Variants in ATG16L2 observed in about 807,000 individuals in gnomAD.
ATG16L2 encodes the protein protein Atg16l2.
A neutral mutation model predicts 84.7 loss-of-function variants in ATG16L2; 77 were observed. That is an observed-to-expected ratio of 0.91 (90% CI 0.76 to 1.10). The LOEUF (loss-of-function observed/expected upper bound fraction) is 1.10, where lower values mean the gene tolerates loss of function less well. Among genes scored for constraint, ATG16L2 ranks in the 50% least tolerant of loss-of-function variants. The probability of loss-of-function intolerance (pLI) is 0.00; values close to 1 mark genes in which losing one functional copy is unlikely to be tolerated. For synonymous variants in ATG16L2, 361 were observed against 342.8 expected (o/e 1.05, Z -0.59); for missense variants, 782 against 817.6 (o/e 0.96, Z 0.53).
downstream of ATG16L2, among the ~76,000 whole-genome samples, chr11:72,832,424 C>T (rs1360939711): frequency 1.3e-5 from 2 of 152,164 alleles, no homozygotes; most frequent in Non-Finnish European, 2.9e-5. Context: ...AGGCCAGAAA[C>T]AGGCCAAGGA....
intron 5 of ATG16L2, among the ~76,000 whole-genome samples, chr11:72,842,178 C>T (rs1860977125): frequency 6.6e-6 from 1 of 152,198 alleles, no homozygotes; most frequent in Admixed American, 6.5e-5. Flanking sequence ...GGATTAGGGG[C>T]TCTGGCAGGC....
In ATG16L2 at chr11:72,843,280, G is replaced by T. The variant is rs766473899; in HGVS notation, c.*685G>T. 4 of 1,613,892 alleles carry T rather than the reference G, an allele frequency of 2.5e-6. No individual in the cohort carries two copies. In the African/African-American group the frequency reaches 5.3e-5, roughly 22 times the overall value. Reference sequence around the variant, plus strand: ...AGGAGGCTGTTCGAGGTGGGAAACTGTAGGTACTTTTCTGGCACATAACCC... The same window carrying T: ...AGGAGGCTGTTCGAGGTGGGAAACTTTAGGTACTTTTCTGGCACATAACCC... On this transcript the variant is annotated 3_prime_UTR_variant, in exon 6 of 6. Coordinates refer to the ATG16L2 transcript ENST00000534905.
intron 9 of ATG16L2, among the ~76,000 whole-genome samples, 184 bp from the exon 10 acceptor site, chr11:72,825,118 G>C (rs1860264203): frequency 6.6e-6 from 1 of 152,178 alleles, no homozygotes; most frequent in Admixed American, 6.5e-5. Context: ...CAGGGGTCCA[G>C]GCAGAGGTGA....
Position 72,829,296 on chromosome 11 carries a change from TC to T in ATG16L2, c.1773-3del. The T allele has an allele frequency of 6.2e-7, 1 of 1,612,180 alleles. No homozygotes were observed. ...CCCCCCTGAAGCCTGCCCCTCCCTT[TC>T]CCCAGCGCTGCCGTCAACGCCGTGG... On this transcript the variant is annotated splice_polypyrimidine_tract_variant and splice_region_variant and intron_variant, in intron 17 of 17. Transcript: ENST00000321297.
At position 72,824,065 on chromosome 11, in the gene ATG16L2, C is replaced by G. The variant is rs1263944851; in HGVS notation, c.830C>G (p.Ala277Gly). 1 of 1,614,240 alleles carries G rather than the reference C, an allele frequency of 6.2e-7. No individual in the cohort carries two copies. Among genetic ancestry groups the G allele is most frequent in the East Asian group, 2.2e-5 (1 of 44,890 alleles). ...CEKWKRPFRSASATSLTLSHC... is the reference protein window; with the variant it reads ...CEKWKRPFRSGSATSLTLSHC... ...CTCTCTTGGTTTTGTCTCAGGTCTG[C>G]CTCAGCCACCTCCCTGACGCTGTCC... The change falls in exon 8 of 18, where the codon GCC becomes GGC. Residue 277 changes from alanine (A) to glycine (G), a missense_variant. Coordinates refer to ENST00000321297, the MANE Select transcript of ATG16L2 (RefSeq NM_033388.2).
At chr11:72,828,573 T>C in intron 15 of ATG16L2, 65 bp downstream of exon 15, 2 of 1,606,638 alleles carry the variant, frequency 1.2e-6, no homozygotes, top group Non-Finnish European at 1.7e-6. Flanking sequence ...TCTTCTCCTG[T>C]AATAGACCCT....
chr11:72,827,063 C>T (rs779307457), intron 13 of ATG16L2, 125 bp from the exon 14 acceptor site: 96 of 865,174 alleles, frequency 1.1e-4, no homozygotes, highest in South Asian at 2.5e-4. Flanking sequence ...TGCTGGGAAG[C>T]GGAAGACCTG....
chr11:72,814,899 A>G (rs1234765734), intron 1 of ATG16L2, among the ~76,000 whole-genome samples: 1 of 152,104 alleles, frequency 6.6e-6, no homozygotes, highest in Non-Finnish European at 1.5e-5. Context: ...TCCCCGGGGT[A>G]GGGGCTTGAT....
chr11:72,826,135 G>T, intron 10 of ATG16L2, 38 bp from the exon 11 acceptor site: 1 of 1,544,378 alleles, frequency 6.5e-7, no homozygotes, highest in South Asian at 1.1e-5. Context: ...GTGAGGTTAA[G>T]ACCTCATTTC....
chr11:72,841,740 A>G (rs1860960168), intron 5 of ATG16L2, among the ~76,000 whole-genome samples: 1 of 152,100 alleles, frequency 6.6e-6, no homozygotes, highest in South Asian at 2.1e-4. Flanking sequence ...TTAAATAACC[A>G]CCTCAAGCTC....
At position 72,828,898 on chromosome 11, in the gene ATG16L2, T is replaced by C. The variant is rs1451326570; in HGVS notation, c.1686T>C (p.Tyr562=). 6.2e-7 allele frequency: 1 copy of C among 1,614,192 alleles called. No individual in the cohort carries two copies. Among genetic ancestry groups the C allele is most frequent in the East Asian group, 2.2e-5 (1 of 44,886 alleles). Residue 562 remains tyrosine, a synonymous_variant, in exon 17 of 18, where the codon TAT becomes TAC. Coordinates refer to ENST00000321297, the MANE Select transcript of ATG16L2 (RefSeq NM_033388.2). The part of the protein sequence containing the change: ...TKAVFSPDRS[Y]ALAGSCDGAL... ...GCCACTACAGCCCGGACAGAAGCTA[T>C]GCACTGGCAGGCTCCTGTGATGGGG...
Position 72,829,309 on chromosome 11 carries a change from C to G in ATG16L2, c.1779C>G (p.Ala593=). 1 of 1,613,100 alleles carries G rather than the reference C, an allele frequency of 6.2e-7. No homozygotes were observed. Among genetic ancestry groups the G allele is most frequent in the Non-Finnish European group, 8.5e-7 (1 of 1,179,706 alleles). ...TGCCCCTCCCTTTCCCCAGCGCTGC[C>G]GTCAACGCCGTGGCCTGGTGCTACT... ...ESRLQGPHCA[A]VNAVAWCYSG... Residue 593 remains alanine, a synonymous_variant, in exon 18 of 18, where the codon GCC becomes GCG. Coordinates refer to ENST00000321297, the MANE Select transcript of ATG16L2 (RefSeq NM_033388.2).
downstream of ATG16L2, among the ~76,000 whole-genome samples, chr11:72,833,989 C>T (rs1001379828): frequency 1.3e-5 from 2 of 150,830 alleles, no homozygotes; most frequent in African/African-American, 4.9e-5. Flanking sequence ...ACAGACACAG[C>T]AAAAGTGTGT....
Position 72,817,743 on chromosome 11 carries a change from G to A in ATG16L2, c.219-13G>A. ...ACCGGGGGACATTGAGCACCACTCT[G>A]ATTGGTTGGCAGGGAGGAGTCAGAG... On this transcript the variant is annotated splice_polypyrimidine_tract_variant and intron_variant, in intron 2 of 17. Coordinates refer to ENST00000321297, the MANE Select transcript of ATG16L2 (RefSeq NM_033388.2). 2 of 1,613,404 alleles carry A rather than the reference G, an allele frequency of 1.2e-6. No homozygotes were observed. Among genetic ancestry groups the A allele is most frequent in the African/African-American group, 1.3e-5 (1 of 75,062 alleles).
Position 72,822,851 on chromosome 11 carries a change from C to A in ATG16L2, c.714C>A (p.Gly238=), listed in dbSNP as rs762784721. 6.4e-6 allele frequency: 10 copies of A among 1,555,160 alleles called. No individual in the cohort carries two copies. Among genetic ancestry groups the A allele is most frequent in the Non-Finnish European group, 7.8e-6 (9 of 1,148,768 alleles). Reference sequence around the variant, plus strand: ...TGAACTTCATTACCTCTCCTAGGGGCCCGGACACCCTAGGCGATGGGATGA... The same window carrying A: ...TGAACTTCATTACCTCTCCTAGGGGACCGGACACCCTAGGCGATGGGATGA... ...AAKRTVSISE[G]PDTLGDGMRE... Residue 238 remains glycine, a synonymous_variant, in exon 7 of 18, where the codon GGC becomes GGA. Coordinates refer to ENST00000321297, the MANE Select transcript of ATG16L2 (RefSeq NM_033388.2). The surrounding 1 kb of genome is among the most constrained non-coding windows in gnomAD (Gnocchi z 4.2).
At chr11:72,819,776 C>T (rs547002971) in intron 3 of ATG16L2, among the ~76,000 whole-genome samples, 4 of 151,902 alleles carry the variant, frequency 2.6e-5, no homozygotes, top group African/African-American at 9.6e-5. Context: ...GACGGAGTCT[C>T]ACTCTGTTGC....
chr11:72,838,711 C>T (rs1860808716), intron 5 of ATG16L2: 6 of 1,180,000 alleles, frequency 5.1e-6, no homozygotes, highest in Non-Finnish European at 7.4e-6. Context: ...CATCATCATG[C>T]AAAGGTGCCT....
At chr11:72,823,782 C>T in intron 7 of ATG16L2, 1 of 563,618 alleles carries the variant, frequency 1.8e-6, no homozygotes, top group East Asian at 4.2e-5. Context: ...GCTCAGCTTC[C>T]CAGGAACTTT....
At position 72,843,466 on chromosome 11, in the gene ATG16L2, T is replaced by C. The variant is rs1861029178; in HGVS notation, c.*871T>C. On this transcript the variant is annotated 3_prime_UTR_variant, in exon 6 of 6. Coordinates refer to the ATG16L2 transcript ENST00000534905. The stretch of plus-strand genomic sequence containing the variant: ...GAATATACCTTTACCCAGTCTTCCA[T>C]ATCTCCATCTTCAATCACTTCTAAC... 6.2e-7 allele frequency: 1 copy of C among 1,613,304 alleles called. No homozygotes were observed. The highest frequency in any genetic ancestry group is 1.3e-5 in the African/African-American group (1 of 74,922).
Sources: gnomAD v4.1 joint callset for allele counts (sites outside exome capture counted in the v4.1 genomes callset) on GRCh38, gnomAD v4.1.1 for gene constraint, Gnocchi (gnomAD v3.1) non-coding constraint, MANE v1.5 for transcripts, NCBI Gene and HGNC (gene_info 2026-07-23, HGNC 2026-07-21) for gene names.